Variants in PLPP3 observed in about 807,000 individuals in gnomAD.
PLPP3 encodes the protein PAP2 beta.
Under a neutral mutation model 29.6 loss-of-function variants are expected in PLPP3, and 6 were observed. The observed-to-expected ratio is 0.20, with a 90% CI of 0.11 to 0.40. The LOEUF is 0.40. PLPP3 is among the 10% of genes least tolerant of loss of function. The pLI, the probability that PLPP3 is intolerant of heterozygous loss-of-function variation, is 1.00. For missense variants in PLPP3, 308 were observed against 407.7 expected (o/e 0.76, Z 2.11); for synonymous variants, 152 against 159.7 (o/e 0.95, Z 0.36).
intron 2 of PLPP3, among the ~76,000 whole-genome samples, chr1:56,532,707 T>C (rs1372906778): frequency 6.6e-6 from 1 of 152,192 alleles, no homozygotes; most frequent in Non-Finnish European, 1.5e-5. Context: ...GACCTAATGC[T>C]TTTGATTTTC....
chr1:56,506,573 G>A (rs1645703565), intron 5 of PLPP3, among the ~76,000 whole-genome samples: 1 of 152,200 alleles, frequency 6.6e-6, no homozygotes, highest in Admixed American at 6.5e-5. Flanking sequence ...AGCAATGGCA[G>A]CCGGGCCCTC....
At chr1:56,540,300 G>A (rs554220357) in intron 1 of PLPP3, among the ~76,000 whole-genome samples, 1 of 152,102 alleles carries the variant, frequency 6.6e-6, no homozygotes, top group Admixed American at 6.6e-5. Context: ...CCCAGACCCT[G>A]CCCTCAAGAA....
At chr1:56,557,919 G>C (rs746280050) in intron 1 of PLPP3, among the ~76,000 whole-genome samples, 5 of 152,114 alleles carry the variant, frequency 3.3e-5, no homozygotes, top group Admixed American at 6.5e-5. Context: ...CCAGTTTCTT[G>C]CCTCAAAAGG....
intron 1 of PLPP3, among the ~76,000 whole-genome samples, chr1:56,549,206 G>A (rs907685147): frequency 2.0e-5 from 3 of 152,154 alleles, no homozygotes; most frequent in Non-Finnish European, 4.4e-5. Flanking sequence ...AAATCCACTG[G>A]AGGCGTTCTA....
In PLPP3 at chr1:56,555,450, A is replaced by AC. The variant is rs1646069484; in HGVS notation, c.140-18339_140-18338insG. On this transcript the variant is annotated intron_variant, in intron 1 of 5. Transcript: ENST00000371250. ...CCAAACACTAAAAAAAAAAAAAAAA[A>AC]AAAAAAAAAACAAAAAACAAACAAA... Among the ~76,000 whole-genome samples, 6 of 135,942 alleles carry AC rather than the reference A, an allele frequency of 4.4e-5. 1 individual carries two copies. The highest frequency in any genetic ancestry group is 5.5e-4 in the South Asian group (2 of 3,656). 89.2% of individuals were successfully genotyped at this position (135,942 alleles called of 152,430 possible). A position where few individuals can be genotyped will look rare whatever the true frequency, so the allele number is the denominator to read the frequency against.
intron 4 of PLPP3, among the ~76,000 whole-genome samples, chr1:56,518,711 T>C (rs1301613549): frequency 3.4e-5 from 3 of 88,784 alleles, no homozygotes; most frequent in African/African-American, 1.3e-4. Flanking sequence ...CCTTTTTTAA[T>C]CATTTATATA....
chr1:56,501,272 T>C (rs186109877), intron 5 of PLPP3, among the ~76,000 whole-genome samples: 1 of 152,300 alleles, frequency 6.6e-6, no homozygotes, highest in Non-Finnish European at 1.5e-5. Flanking sequence ...TTTTCAACTC[T>C]AGAAATCTTT....
chr1:56,496,751 G>A, intron 5 of PLPP3, 75 bp from the exon 6 acceptor site: 1 of 1,541,524 alleles, frequency 6.5e-7, no homozygotes, highest in Non-Finnish European at 8.8e-7. Flanking sequence ...AGGAAGGTCA[G>A]AGGAGCGCAG....
intron 1 of PLPP3, among the ~76,000 whole-genome samples, chr1:56,573,341 C>T (rs1646213496): frequency 6.6e-6 from 1 of 152,160 alleles, no homozygotes; most frequent in Admixed American, 6.5e-5. Flanking sequence ...AGAATTCTTG[C>T]AAACTTGATT....
chr1:56,526,010 G>C (rs1645850381), intron 2 of PLPP3, among the ~76,000 whole-genome samples: 1 of 152,134 alleles, frequency 6.6e-6, no homozygotes, highest in South Asian at 2.1e-4. Flanking sequence ...TGCCAACATT[G>C]ACACAGTGAC....
chr1:56,525,870 G>T (rs1004969921), intron 2 of PLPP3, among the ~76,000 whole-genome samples: 3 of 152,126 alleles, frequency 2.0e-5, no homozygotes, highest in Admixed American at 2.0e-4. Context: ...GTGGAGGAAA[G>T]CATCAAGGCA....
At chr1:56,531,054 T>G (rs1363075120) in intron 2 of PLPP3, among the ~76,000 whole-genome samples, 2 of 152,116 alleles carry the variant, frequency 1.3e-5, no homozygotes, top group Non-Finnish European at 2.9e-5. Flanking sequence ...TTTCCTTATC[T>G]CTAAAAATGA....
At chr1:56,563,907 C>T (rs12126955) in intron 1 of PLPP3, among the ~76,000 whole-genome samples, 12,172 of 152,242 alleles carry the variant, frequency 0.08, 554 homozygotes, top group South Asian at 0.23. Context: ...TTGGAGTTCA[C>T]GTCTATCCTC....
intron 5 of PLPP3, among the ~76,000 whole-genome samples, chr1:56,500,936 G>A (rs999634575): frequency 9.3e-5 from 14 of 149,882 alleles, no homozygotes; most frequent in South Asian, 4.2e-4. Context: ...CCTGGGAGGC[G>A]GAGGTTTCAG....
intron 1 of PLPP3, among the ~76,000 whole-genome samples, chr1:56,569,453 T>G (rs1271722485): frequency 6.6e-6 from 1 of 152,150 alleles, no homozygotes; most frequent in Non-Finnish European, 1.5e-5. Flanking sequence ...ATTACAGGTG[T>G]GAGCCACTGC....
At chr1:56,498,597 A>G (rs927154818) in intron 5 of PLPP3, among the ~76,000 whole-genome samples, 4 of 151,442 alleles carry the variant, frequency 2.6e-5, no homozygotes, top group Admixed American at 6.6e-5. Context: ...ACTTTGTCTC[A>G]GAGGAAGAGG....
At chr1:56,523,604 T>G (rs1479179968) in intron 4 of PLPP3, among the ~76,000 whole-genome samples, 1 of 152,204 alleles carries the variant, frequency 6.6e-6, no homozygotes, top group Non-Finnish European at 1.5e-5. Context: ...CTATGGCAAA[T>G]ACTATTTTTA....
chr1:56,516,162 T>C (rs1470483865), intron 4 of PLPP3, among the ~76,000 whole-genome samples: 1 of 152,168 alleles, frequency 6.6e-6, no homozygotes. Flanking sequence ...CAACAGGCTT[T>C]GGGATTGATG....
At chr1:56,519,669 C>A (rs1645805265) in intron 4 of PLPP3, among the ~76,000 whole-genome samples, 1 of 151,992 alleles carries the variant, frequency 6.6e-6, no homozygotes, top group African/African-American at 2.4e-5. Flanking sequence ...AGGGTCAATA[C>A]AGACGTGGTC....
Sources: allele counts gnomAD v4.1 joint callset (sites outside exome capture counted in the v4.1 genomes callset), GRCh38; gene constraint gnomAD v4.1.1; transcripts MANE v1.5; gene names NCBI Gene and HGNC (gene_info 2026-07-23, HGNC 2026-07-21).